Variants in PPARGC1A observed in about 807,000 individuals in gnomAD.
The protein encoded by PPARGC1A is PPARG coactivator 1 alpha.
A neutral mutation model predicts 88.7 loss-of-function variants in PPARGC1A; 25 were observed. That is an observed-to-expected ratio of 0.28 (90% CI 0.21 to 0.39). The LOEUF is 0.39. Among genes scored for constraint, PPARGC1A ranks in the 10% least tolerant of loss-of-function variants. PPARGC1A has a pLI of 1.00. For missense variants in PPARGC1A, 880 were observed against 968.7 expected, an observed-to-expected ratio of 0.91 and a Z score of 1.22; for synonymous variants, 363 against 355.6, an observed-to-expected ratio of 1.02 and a Z score of -0.24.
chr4:24,267,720 A>G, the PPARGC1A span, among the ~76,000 whole-genome samples: 1 of 152,218 alleles, frequency 6.6e-6, no homozygotes, highest in African/African-American at 2.4e-5. Flanking sequence ...AACACATATT[A>G]AAAACCAAAA....
chr4:24,363,861 A>G, the PPARGC1A span, among the ~76,000 whole-genome samples: 4 of 152,194 alleles, frequency 2.6e-5, no homozygotes, highest in African/African-American at 9.6e-5. Context: ...ATTCAGGAGC[A>G]GGGAGTTGTA....
At chr4:24,358,146 T>G in the PPARGC1A span, among the ~76,000 whole-genome samples, 2 of 152,228 alleles carry the variant, frequency 1.3e-5, no homozygotes, top group African/African-American at 4.8e-5. Context: ...ATGAGGAAAC[T>G]GAGGCTGGTA....
the PPARGC1A span, among the ~76,000 whole-genome samples, chr4:24,342,722 A>C: frequency 6.6e-6 from 1 of 152,306 alleles, no homozygotes; most frequent in Admixed American, 6.5e-5. Flanking sequence ...TAATTAAACT[A>C]AGTTTCAGGA....
intron 12 of PPARGC1A, among the ~76,000 whole-genome samples, chr4:23,797,212 A>G (rs1408432237): frequency 6.6e-6 from 1 of 152,136 alleles, no homozygotes; most frequent in Non-Finnish European, 1.5e-5. Flanking sequence ...AAACTGGCCA[A>G]TCTTTCCTCA....
chr4:24,289,341 T>C, the PPARGC1A span, among the ~76,000 whole-genome samples: 1 of 151,978 alleles, frequency 6.6e-6, no homozygotes, highest in African/African-American at 2.4e-5. Flanking sequence ...TTACCTCTCT[T>C]CTCTGACCCT....
the PPARGC1A span, among the ~76,000 whole-genome samples, chr4:24,266,876 C>T: frequency 2.0e-5 from 3 of 152,156 alleles, no homozygotes; most frequent in Non-Finnish European, 4.4e-5. Context: ...ATTTTAAGAT[C>T]TTCAATTGAA....
the PPARGC1A span, among the ~76,000 whole-genome samples, chr4:24,128,446 A>G: frequency 2.6e-5 from 4 of 151,986 alleles, no homozygotes; most frequent in African/African-American, 4.8e-5. Context: ...CATGCTTCCA[A>G]TCCTGAGAAG....
the PPARGC1A span, among the ~76,000 whole-genome samples, chr4:24,187,175 G>A: frequency 3.4e-4 from 52 of 152,284 alleles, no homozygotes; most frequent in African/African-American, 1.1e-3. Flanking sequence ...TGATGATGGC[G>A]GCAGTGGTAG....
the PPARGC1A span, among the ~76,000 whole-genome samples, chr4:24,081,225 A>G: frequency 2.0e-5 from 3 of 152,132 alleles, no homozygotes; most frequent in African/African-American, 2.4e-5. Flanking sequence ...TGACCATTTC[A>G]GTTTCCAAAA....
the PPARGC1A span, among the ~76,000 whole-genome samples, chr4:24,470,879 CTGGCAGCTAGTAGTT>C: frequency 1.3e-4 from 19 of 151,874 alleles, no homozygotes; most frequent in African/African-American, 4.6e-4. The surrounding 1 kb of genome is among the most constrained non-coding windows in gnomAD (Gnocchi z 5.8). Flanking sequence ...AGGTCTTCAC[CTGGCAGCTAGTAGTT>C]TGGCGATTTG....
the PPARGC1A span, among the ~76,000 whole-genome samples, chr4:24,416,970 C>T: frequency 6.7e-6 from 1 of 149,502 alleles, no homozygotes; most frequent in African/African-American, 2.5e-5. Context: ...GCGGAGGTTG[C>T]AGTGAGCCGA....
intron 2 of PPARGC1A, among the ~76,000 whole-genome samples, chr4:23,841,253 G>A (rs1727006264): frequency 6.6e-6 from 1 of 152,168 alleles, no homozygotes; most frequent in South Asian, 2.1e-4. Flanking sequence ...CTAGTCAAGA[G>A]AAAACCATTG....
At chr4:23,986,455 G>A in the PPARGC1A span, among the ~76,000 whole-genome samples, 9 of 152,164 alleles carry the variant, frequency 5.9e-5, no homozygotes, top group East Asian at 3.9e-4. Flanking sequence ...CAAGGATAAC[G>A]GTGTAGTATT....
At chr4:24,140,883 A>C in the PPARGC1A span, among the ~76,000 whole-genome samples, 2 of 152,188 alleles carry the variant, frequency 1.3e-5, no homozygotes, top group Non-Finnish European at 2.9e-5. Context: ...GCTCCTCCCC[A>C]AAAGAGAACA....
At chr4:24,073,763 A>G in the PPARGC1A span, among the ~76,000 whole-genome samples, 7 of 152,208 alleles carry the variant, frequency 4.6e-5, no homozygotes, top group Non-Finnish European at 8.8e-5. Flanking sequence ...CACAGCTACT[A>G]TGTGGTAGAA....
the PPARGC1A span, among the ~76,000 whole-genome samples, chr4:24,133,497 G>A: frequency 1.3e-5 from 2 of 152,254 alleles, no homozygotes; most frequent in South Asian, 4.1e-4. Flanking sequence ...AAGCAACTTG[G>A]CTCCTCAAGC....
the PPARGC1A span, among the ~76,000 whole-genome samples, chr4:24,453,904 C>A: frequency 6.6e-6 from 1 of 151,928 alleles, no homozygotes; most frequent in Admixed American, 6.6e-5. Context: ...AAGGTAGTGT[C>A]TATTTCTCAA....
intron 10 of PPARGC1A, among the ~76,000 whole-genome samples, chr4:23,807,140 A>C (rs1281438421): frequency 6.6e-6 from 1 of 152,152 alleles, no homozygotes; most frequent in Non-Finnish European, 1.5e-5. Context: ...AAAAATTGCA[A>C]AGATATTATA....
chr4:24,289,219 CAAAAAAA>C, the PPARGC1A span, among the ~76,000 whole-genome samples: 4 of 82,774 alleles, frequency 4.8e-5, no homozygotes, highest in Non-Finnish European at 7.7e-5. Flanking sequence ...GACTCCGTCT[CAAAAAAA>C]AAAAAAAAAA....
Sources: gnomAD v4.1 joint callset for allele counts (sites outside exome capture counted in the v4.1 genomes callset) on GRCh38, gnomAD v4.1.1 for gene constraint, Gnocchi (gnomAD v3.1) non-coding constraint, MANE v1.5 for transcripts, NCBI Gene and HGNC (gene_info 2026-07-23, HGNC 2026-07-21) for gene names.